EXOSC10: variants seen among roughly 807,000 people sequenced by gnomAD.
EXOSC10 encodes exosome component 10, also known as exosome complex component 10.
A neutral mutation model predicts 126.6 loss-of-function variants in EXOSC10; 94 were observed. The ratio of observed to expected loss-of-function variants is 0.74; its 90% confidence interval spans 0.63 to 0.88. The LOEUF (loss-of-function observed/expected upper bound fraction) is 0.88. EXOSC10 is among the 40% of genes least tolerant of loss of function. The pLI, the probability that EXOSC10 is intolerant of heterozygous loss-of-function variation, is 0.00. For synonymous variants in EXOSC10, 395 were observed against 400.8 expected (o/e 0.99, Z 0.17); for missense variants, 1,041 against 1,100.5 (o/e 0.95, Z 0.77).
intron 3 of EXOSC10, among the ~76,000 whole-genome samples, chr1:11,093,459 C>T (rs1241499123): frequency 6.6e-6 from 1 of 152,180 alleles, no homozygotes; most frequent in Non-Finnish European, 1.5e-5. Context: ...ATACCAGAAA[C>T]TGCTGAAAGA....
rs749227398 is a variant in EXOSC10 at position 11,077,427 on chromosome 1, A to G, written c.1817T>C (p.Leu606Pro). The G allele has an allele frequency of 6.2e-7, 1 of 1,614,126 alleles. No individual in the cohort carries two copies. The highest frequency in any genetic ancestry group is 8.5e-7 in the Non-Finnish European group (1 of 1,179,982). ...LPSAERLENVLFGPHDCSHAP... is the reference protein window; with the variant it reads ...LPSAERLENVPFGPHDCSHAP... ...ATGGGAGCAGTCGTGAGGTCCAAAG[A>G]GAACATTCTCCAATCTCTGCATTAA... Residue 606 changes from leucine to proline, a missense_variant, in exon 16 of 25, where the codon CTC becomes CCC. Around this residue, in one of 3 missense-constraint regions of EXOSC10, gnomAD observed 388 missense variants for 415.2 expected, o/e 0.93. Transcript: ENST00000376936.
At chr1:11,077,720 G>A in intron 14 of EXOSC10, 69 bp from the exon 15 acceptor site, 1 of 1,423,198 alleles carries the variant, frequency 7.0e-7, no homozygotes, top group East Asian at 2.3e-5. Flanking sequence ...CCAGTCTCCA[G>A]CGCTGACTGT....
intron 9 of EXOSC10, among the ~76,000 whole-genome samples, chr1:11,084,385 T>A (rs1335348318): frequency 6.6e-6 from 1 of 152,268 alleles, no homozygotes; most frequent in African/African-American, 2.4e-5. Flanking sequence ...CCAGTGATGG[T>A]GAGCATTTCT....
At chr1:11,087,320 C>A in intron 9 of EXOSC10, 128 bp downstream of exon 9, 1 of 1,106,560 alleles carries the variant, frequency 9.0e-7, no homozygotes, top group Non-Finnish European at 1.3e-6. Context: ...AGCACTGTAC[C>A]CTAGTTAGGA....
chr1:11,081,852 G>A (rs577760665), intron 10 of EXOSC10, among the ~76,000 whole-genome samples: 1 of 152,198 alleles, frequency 6.6e-6, no homozygotes, highest in East Asian at 1.9e-4. Flanking sequence ...GGAGGCGGAG[G>A]CGGGAGGATC....
intron 7 of EXOSC10, 81 bp downstream of exon 7, chr1:11,088,042 C>A: frequency 1.5e-6 from 2 of 1,348,346 alleles, no homozygotes; most frequent in Non-Finnish European, 2.1e-6. Flanking sequence ...CAAGGAAAGT[C>A]AAAATTGCAT....
In EXOSC10 at chr1:11,087,867, G is replaced by A. The variant is rs778994543; in HGVS notation, c.878C>T (p.Ser293Phe). The A allele has an allele frequency of 1.2e-5, 19 of 1,613,660 alleles. No individual in the cohort carries two copies. Among genetic ancestry groups the A allele is most frequent in the Non-Finnish European group, 1.5e-5 (18 of 1,179,818 alleles). The stretch of plus-strand genomic sequence containing the variant: ...GTTGAGTTCCACGAGTTCATCCAGG[G>A]AGGATATGAAATGGCATGGTGTCTC... ...IEETPCHFIS[S>F]LDELVELNEK... The change falls in exon 8 of 25, where the codon TCC becomes TTC. Residue 293 changes from serine to phenylalanine, a missense_variant. Coordinates refer to ENST00000376936, the MANE Select transcript of EXOSC10 (RefSeq NM_001001998.3).
In EXOSC10 at chr1:11,095,919, T is replaced by C. The variant is rs554655174; in HGVS notation, c.249-38A>G. 24 of 1,603,942 alleles carry C rather than the reference T, an allele frequency of 1.5e-5. No homozygotes were observed. In the African/African-American group the frequency reaches 2.5e-4, roughly 17 times the overall value. ...AAACCAAGGTTAGCTTGTAGATTTT[T>C]ATTTCACTTGTTTACATTCTGTGAG... On this transcript the variant is annotated intron_variant, in intron 2 of 24. Coordinates refer to ENST00000376936, the MANE Select transcript of EXOSC10 (RefSeq NM_001001998.3).
chr1:11,083,562 C>CAAAAAAAAAAA lies in EXOSC10; in HGVS notation c.1090-695_1090-685dup, dbSNP rs35412224. On this transcript the variant is annotated intron_variant, in intron 9 of 24. Coordinates refer to ENST00000376936, the MANE Select transcript of EXOSC10 (RefSeq NM_001001998.3). ...GGGCAACAAGAGCAAAACTCCGTCTCAAAAAAAAAAAAAAAAAAAAAAATT... is the reference window on the plus strand; with the variant it reads ...GGGCAACAAGAGCAAAACTCCGTCTCAAAAAAAAAAAAAAAAAAAAAAAAAAAAAAAAAATT... Among the ~76,000 whole-genome samples the CAAAAAAAAAAA allele has an allele frequency of 5.8e-4, 38 of 65,852 alleles. 1 individual carries two copies. The highest frequency in any genetic ancestry group is 2.0e-3 in the African/African-American group (29 of 14,816). 43.2% of individuals were successfully genotyped at this position (65,852 alleles called of 152,430 possible).
At chr1:11,080,976 A>T (rs920487948) in intron 11 of EXOSC10, 64 bp from the exon 12 acceptor site, 1 of 1,574,226 alleles carries the variant, frequency 6.4e-7, no homozygotes, top group Non-Finnish European at 8.6e-7. Flanking sequence ...GGCTCTGGAA[A>T]ATGTTTGGCT....
At chr1:11,068,176 T>G in intron 23 of EXOSC10, 92 bp from the exon 24 acceptor site, 3 of 979,190 alleles carry the variant, frequency 3.1e-6, no homozygotes, top group Non-Finnish European at 4.9e-6. Context: ...CCAAAGATTC[T>G]AGCAGCACAG....
chr1:11,096,497 GAC>G (rs1641103565), intron 2 of EXOSC10, among the ~76,000 whole-genome samples: 1 of 130,460 alleles, frequency 7.7e-6, no homozygotes, highest in Non-Finnish European at 1.6e-5. Flanking sequence ...TTTTTAAAGA[GAC>G]AGGGTCTTGC....
At chr1:11,080,702 T>C in intron 12 of EXOSC10, 62 bp downstream of exon 12, 1 of 1,604,228 alleles carries the variant, frequency 6.2e-7, no homozygotes, top group Non-Finnish European at 8.5e-7. Flanking sequence ...AGCCCATTAT[T>C]TACTTGTTAT....
At chr1:11,085,344 G>A (rs190389157) in intron 9 of EXOSC10, among the ~76,000 whole-genome samples, 4,962 of 152,120 alleles carry the variant, frequency 0.033, 211 homozygotes, top group African/African-American at 0.078. Context: ...GGTCCTTCAC[G>A]TCCCTTGTAA....
intron 1 of EXOSC10, 92 bp downstream of exon 1, chr1:11,099,629 T>C: frequency 7.2e-7 from 1 of 1,381,358 alleles, no homozygotes. Flanking sequence ...CGGGCTCCAC[T>C]ACGGCGGGCG....
At chr1:11,067,145 A>G (rs1053168785) in intron 24 of EXOSC10, among the ~76,000 whole-genome samples, 2 of 152,072 alleles carry the variant, frequency 1.3e-5, no homozygotes, top group African/African-American at 4.8e-5. Context: ...AAAAATACAA[A>G]AACAGGCCGG....
At chr1:11,072,484 G>A (rs2791650) in intron 19 of EXOSC10, 1 of 238,764 alleles carries the variant, frequency 4.2e-6, no homozygotes, top group Non-Finnish European at 8.3e-6. Context: ...CTCCGGGAGA[G>A]TAAATAACTT....
At position 11,074,388 on chromosome 1, in the gene EXOSC10, A is replaced by C. The variant is rs1051184211; in HGVS notation, c.1987-62T>G. ...TGATCATCTGTGACATCAAGATGCA[A>C]GCAAGAGAGCAACAGTTAACAGTGA... is the stretch of plus-strand genomic sequence containing the variant. On this transcript the variant is annotated intron_variant, in intron 17 of 24. Coordinates refer to ENST00000376936, the MANE Select transcript of EXOSC10 (RefSeq NM_001001998.3). 3.1e-5 allele frequency: 36 copies of C among 1,146,740 alleles called. No individual in the cohort carries two copies. In the Middle Eastern group the frequency reaches 5.9e-4, roughly 19 times the overall value. 71.0% of individuals were successfully genotyped at this position (1,146,740 alleles called of 1,614,324 possible). A position where few individuals can be genotyped will look rare whatever the true frequency, so the allele number is the denominator to read the frequency against.
chr1:11,077,293 G>A, intron 16 of EXOSC10, 72 bp downstream of exon 16: 1 of 1,502,246 alleles, frequency 6.7e-7, no homozygotes, highest in Non-Finnish European at 9.1e-7. Flanking sequence ...GCCCGGCCAA[G>A]CCTACAGAAT....
Sources: allele counts gnomAD v4.1 joint callset (sites outside exome capture counted in the v4.1 genomes callset), GRCh38; gene constraint gnomAD v4.1.1; regional missense constraint gnomAD v4.1.1; transcripts MANE v1.5; gene names NCBI Gene and HGNC (gene_info 2026-07-23, HGNC 2026-07-21).